The following MMP16 variants were observed in gnomAD, a reference collection of about 807,000 sequenced individuals.
MMP16 encodes matrix metallopeptidase 16.
Under a neutral mutation model 67.8 loss-of-function variants are expected in MMP16, and 12 were observed. That is an observed-to-expected ratio of 0.18 (90% CI 0.11 to 0.29). The LOEUF (loss-of-function observed/expected upper bound fraction) is 0.29, where lower values mean the gene tolerates loss of function less well. MMP16 is among the 10% of genes least tolerant of loss of function. The pLI, the probability that MMP16 is intolerant of heterozygous loss-of-function variation, is 1.00. For synonymous variants in MMP16, 249 were observed against 255.9 expected (o/e 0.97, Z 0.26); for missense variants, 475 against 765.7 (o/e 0.62, Z 4.48).
intron 1 of MMP16, among the ~76,000 whole-genome samples, chr8:88,244,547 A>G (rs6992279): frequency 0.97 from 147,084 of 152,284 alleles, 71,254 homozygotes; most frequent in East Asian, 1. Flanking sequence ...TGTACTGAGC[A>G]TTCTTTATGA....
intron 1 of MMP16, among the ~76,000 whole-genome samples, chr8:88,310,372 A>G (rs1235542220): frequency 6.6e-6 from 1 of 152,084 alleles, no homozygotes; most frequent in Admixed American, 6.6e-5. Flanking sequence ...GATAAATATG[A>G]CCCTTGATTA....
At chr8:88,114,298 A>T (rs780848708) in intron 6 of MMP16, among the ~76,000 whole-genome samples, 2 of 151,582 alleles carry the variant, frequency 1.3e-5, no homozygotes, top group African/African-American at 4.8e-5. Context: ...TCCATACGCA[A>T]ACTTATTGCT....
chr8:88,123,645 A>G (rs1807878446), intron 4 of MMP16, among the ~76,000 whole-genome samples: 2 of 151,786 alleles, frequency 1.3e-5, no homozygotes. Flanking sequence ...TGACCTAAAC[A>G]TCATTACTCC....
intron 1 of MMP16, among the ~76,000 whole-genome samples, chr8:88,324,243 T>C (rs1811504714): frequency 1.3e-5 from 2 of 152,122 alleles, no homozygotes; most frequent in South Asian, 4.1e-4. Flanking sequence ...TGCACTCTCT[T>C]TCTGTAACAG....
At chr8:88,246,963 A>G (rs1163074511) in intron 1 of MMP16, among the ~76,000 whole-genome samples, 1 of 152,158 alleles carries the variant, frequency 6.6e-6, no homozygotes, top group Non-Finnish European at 1.5e-5. Flanking sequence ...TTATCATGTG[A>G]CGGTAAATGG....
intron 4 of MMP16, among the ~76,000 whole-genome samples, chr8:88,140,097 G>A (rs73694251): frequency 0.047 from 7,130 of 152,118 alleles, 364 homozygotes; most frequent in East Asian, 0.19. Context: ...ATTTGATACG[G>A]TCTGGGTCTG....
intron 1 of MMP16, among the ~76,000 whole-genome samples, chr8:88,226,675 A>T (rs1809774753): frequency 6.6e-6 from 1 of 151,944 alleles, no homozygotes; most frequent in African/African-American, 2.4e-5. Context: ...GGGCTCCTAC[A>T]GGTTCCTTCT....
At chr8:88,183,279 G>A (rs554864001) in intron 3 of MMP16, among the ~76,000 whole-genome samples, 2 of 152,246 alleles carry the variant, frequency 1.3e-5, no homozygotes, top group South Asian at 4.1e-4. Context: ...AATAATAGGA[G>A]AAACCATTTG....
At chr8:88,229,064 G>T (rs1440712152) in intron 1 of MMP16, among the ~76,000 whole-genome samples, 1 of 151,910 alleles carries the variant, frequency 6.6e-6, no homozygotes, top group Non-Finnish European at 1.5e-5. Context: ...ATGAGACAGA[G>T]GTGGGAAGAT....
intron 6 of MMP16, among the ~76,000 whole-genome samples, chr8:88,080,563 G>A (rs1230261616): frequency 6.6e-6 from 1 of 152,092 alleles, no homozygotes; most frequent in Non-Finnish European, 1.5e-5. Flanking sequence ...AGCCTCCTGA[G>A]TAGCTGGAAC....
chr8:88,200,212 A>C (rs962559349), intron 1 of MMP16, among the ~76,000 whole-genome samples: 5 of 151,866 alleles, frequency 3.3e-5, no homozygotes, highest in Non-Finnish European at 2.9e-5. Context: ...AGTGCTTGAA[A>C]ACTCCCCAAA....
rs754300956 is a variant in MMP16 at position 88,327,253 on chromosome 8, CCT to C, written c.-49_-48del. ...TGGACGAGCTCCCCTTCGTTTTCTC[CCT>C]CTCTCCCTCTCCCTCCCTCCCTCGT... On this transcript the variant is annotated 5_prime_UTR_variant, in exon 1 of 10. Transcript: ENST00000286614. 4 of 1,610,634 alleles carry C rather than the reference CCT, an allele frequency of 2.5e-6. No homozygotes were observed. Among genetic ancestry groups the C allele is most frequent in the African/African-American group, 1.3e-5 (1 of 74,764 alleles).
intron 4 of MMP16, among the ~76,000 whole-genome samples, chr8:88,142,174 T>C (rs1315051560): frequency 6.6e-6 from 1 of 151,940 alleles, no homozygotes; most frequent in Non-Finnish European, 1.5e-5. Flanking sequence ...TCTCCCAAAG[T>C]GCTAGGATTA....
Position 88,283,824 on chromosome 8 carries a change from T to G in MMP16, c.132+43251A>C, listed in dbSNP as rs113892012. Reference sequence around the variant, plus strand: ...TGTACTGTTTGGATATATTTTCTTCTGCTAAGAGAGGTAACACCCACATAA... The same window carrying G: ...TGTACTGTTTGGATATATTTTCTTCGGCTAAGAGAGGTAACACCCACATAA... On this transcript the variant is annotated intron_variant, in intron 1 of 9. Coordinates refer to ENST00000286614, the MANE Select transcript of MMP16 (RefSeq NM_005941.5). Among the ~76,000 whole-genome samples the G allele has an allele frequency of 2.3e-4, 35 of 152,342 alleles. 1 individual carries two copies. The highest frequency in any genetic ancestry group is 8.2e-4 in the African/African-American group (34 of 41,572).
At chr8:88,237,446 G>A (rs1427710952) in intron 1 of MMP16, among the ~76,000 whole-genome samples, 2 of 152,074 alleles carry the variant, frequency 1.3e-5, no homozygotes, top group African/African-American at 4.8e-5. Flanking sequence ...TCAGGAGACT[G>A]AGACCATCTT....
chr8:88,237,517 G>C (rs1189598090), intron 1 of MMP16, among the ~76,000 whole-genome samples: 1 of 151,948 alleles, frequency 6.6e-6, no homozygotes, highest in Non-Finnish European at 1.5e-5. Context: ...GCGTAGTGGC[G>C]GGTGCCTGTT....
At chr8:88,045,478 CTCCT>C (rs1044563414) in intron 9 of MMP16, among the ~76,000 whole-genome samples, 11 of 152,066 alleles carry the variant, frequency 7.2e-5, no homozygotes, top group African/African-American at 2.4e-4. Flanking sequence ...TCAAGCAATC[CTCCT>C]GCCTCAGGCT....
chr8:88,310,725 G>A (rs756250712), intron 1 of MMP16, among the ~76,000 whole-genome samples: 1 of 152,084 alleles, frequency 6.6e-6, no homozygotes, highest in African/African-American at 2.4e-5. Flanking sequence ...TGGATTATTC[G>A]TACAGGCATT....
chr8:88,165,918 T>C (rs1204854245), intron 4 of MMP16, among the ~76,000 whole-genome samples: 3 of 152,174 alleles, frequency 2.0e-5, no homozygotes. Context: ...TCTTCAAACC[T>C]GTTCTTAAAA....
Sources: allele counts gnomAD v4.1 joint callset (sites outside exome capture counted in the v4.1 genomes callset), GRCh38; gene constraint gnomAD v4.1.1; transcripts MANE v1.5; gene names NCBI Gene and HGNC (gene_info 2026-07-23, HGNC 2026-07-21).